The following GSG1L variants were observed in gnomAD, a reference collection of about 807,000 sequenced individuals.
GSG1L encodes the protein germ cell-specific gene 1-like protein.
In GSG1L, 24 loss-of-function variants were observed where a neutral mutation model predicts 42.1. That is an observed-to-expected ratio of 0.57 (90% confidence interval 0.41 to 0.80). GSG1L has a LOEUF of 0.80. Ranked by LOEUF, GSG1L falls within the 30% of genes least tolerant of loss-of-function variation. The probability of loss-of-function intolerance (pLI) is 0.00; values close to 1 mark genes in which losing one functional copy is unlikely to be tolerated. For synonymous variants in GSG1L, 215 were observed against 203.5 expected, an observed-to-expected ratio of 1.06 and a Z score of -0.48; for missense variants, 445 against 472.2, an observed-to-expected ratio of 0.94 and a Z score of 0.53.
chr16:28,041,367 G>T (rs1879608295), intron 1 of GSG1L, among the ~76,000 whole-genome samples: 1 of 152,074 alleles, frequency 6.6e-6, no homozygotes, highest in African/African-American at 2.4e-5. Context: ...AAGGAGGATT[G>T]CTTGAGCCCA....
At chr16:28,002,942 AAAAG>A (rs533758440) in intron 1 of GSG1L, among the ~76,000 whole-genome samples, 1 of 152,078 alleles carries the variant, frequency 6.6e-6, no homozygotes, top group Non-Finnish European at 1.5e-5. Context: ...TCTCAGAAAA[AAAAG>A]AAAGAAAGAA....
At chr16:27,983,539 G>A (rs2085347870) in intron 1 of GSG1L, among the ~76,000 whole-genome samples, 2 of 152,132 alleles carry the variant, frequency 1.3e-5, no homozygotes, top group Admixed American at 1.3e-4. Context: ...AAAGAATTGT[G>A]ATTTTTGTAA....
chr16:27,791,692 C>T (rs2082755440), intron 6 of GSG1L, among the ~76,000 whole-genome samples: 1 of 152,042 alleles, frequency 6.6e-6, no homozygotes, highest in African/African-American at 2.4e-5. Flanking sequence ...CACCTGTGAC[C>T]TAGTCATGTA....
chr16:27,998,949 CCAAA>C (rs1488884990), intron 1 of GSG1L, among the ~76,000 whole-genome samples: 8 of 152,210 alleles, frequency 5.3e-5, no homozygotes, highest in Middle Eastern at 3.4e-3. Flanking sequence ...CTGATTTCCC[CCAAA>C]CAGAGTTAAT....
intron 2 of GSG1L, among the ~76,000 whole-genome samples, chr16:27,936,589 A>T (rs571718513): frequency 3.3e-5 from 5 of 152,318 alleles, no homozygotes; most frequent in Admixed American, 2.6e-4. Context: ...CTGCAGAACC[A>T]TGAGCCAAAT....
rs538529178 is a variant in GSG1L, at chr16:28,024,147, C to T, written c.349+38929G>A. 2.4e-4 allele frequency among the ~76,000 whole-genome samples: 37 copies of T among 152,328 alleles called. No individual in the cohort carries two copies. The South Asian group carries it at 2.9e-3, about 12-fold the overall frequency. Reference sequence around the variant, plus strand: ...ACGAGGTTTTGCTCCTTAACCACCACGTGCTCCTGAGATGGGCCATAAATA... The same window carrying T: ...ACGAGGTTTTGCTCCTTAACCACCATGTGCTCCTGAGATGGGCCATAAATA... On this transcript the variant is annotated intron_variant, in intron 1 of 6. Transcript: ENST00000447459.
At chr16:27,847,690 G>A (rs537526075) in intron 3 of GSG1L, among the ~76,000 whole-genome samples, 1 of 152,212 alleles carries the variant, frequency 6.6e-6, no homozygotes, top group African/African-American at 2.4e-5. Context: ...TGGATCATGG[G>A]GGGAGATTTC....
At chr16:27,827,238 TC>T (rs1210259487) in intron 5 of GSG1L, among the ~76,000 whole-genome samples, 1 of 152,118 alleles carries the variant, frequency 6.6e-6, no homozygotes, top group Admixed American at 6.5e-5. Flanking sequence ...CTGTTCTATA[TC>T]CCCTCTCTCA....
intron 1 of GSG1L, among the ~76,000 whole-genome samples, chr16:28,029,633 A>G (rs899856870): frequency 3.3e-5 from 5 of 152,020 alleles, no homozygotes; most frequent in Admixed American, 1.3e-4. Flanking sequence ...GGGTGGGTGG[A>G]TCATGGGTAG....
chr16:27,845,908 C>CT (rs201845873), intron 3 of GSG1L, among the ~76,000 whole-genome samples: 6,973 of 146,932 alleles, frequency 0.047, 229 homozygotes, highest in East Asian at 0.16. Context: ...AATTAATAAA[C>CT]TTTTTTTTTT....
At chr16:28,053,992 G>A (rs974768039) in intron 1 of GSG1L, among the ~76,000 whole-genome samples, 3 of 152,004 alleles carry the variant, frequency 2.0e-5, no homozygotes, top group Non-Finnish European at 4.4e-5. Flanking sequence ...CACTCCTTCT[G>A]TGGTCCCCTC....
At chr16:27,863,322 T>C (rs948116908) in intron 3 of GSG1L, 12 of 152,190 alleles carry the variant, frequency 7.9e-5, no homozygotes, top group African/African-American at 2.9e-4. Flanking sequence ...CTATGGAAGG[T>C]TGACATGCAA....
intron 2 of GSG1L, among the ~76,000 whole-genome samples, chr16:27,892,416 G>A (rs569208582): frequency 1.6e-3 from 244 of 152,084 alleles, no homozygotes; most frequent in Admixed American, 2.2e-3. Context: ...CGATCCTGTC[G>A]CTGCACTCTA....
intron 4 of GSG1L, among the ~76,000 whole-genome samples, chr16:27,842,772 C>G (rs1156247543): frequency 6.6e-6 from 1 of 152,162 alleles, no homozygotes; most frequent in African/African-American, 2.4e-5. Context: ...GGGGTGCCCA[C>G]TGAACTGGTA....
chr16:28,048,553 C>A (rs1221654193), intron 1 of GSG1L, among the ~76,000 whole-genome samples: 2 of 152,150 alleles, frequency 1.3e-5, no homozygotes, highest in Admixed American at 6.5e-5. Context: ...TAAGCCACTG[C>A]ACCTGGCCTA....
intron 2 of GSG1L, among the ~76,000 whole-genome samples, chr16:27,950,803 C>CT (rs979901256): frequency 6.6e-6 from 1 of 152,170 alleles, no homozygotes; most frequent in Non-Finnish European, 1.5e-5. Context: ...TTTGCACAGG[C>CT]TGTTCATTCT....
At chr16:27,875,431 C>T (rs1282142903) in intron 3 of GSG1L, among the ~76,000 whole-genome samples, 12 of 152,146 alleles carry the variant, frequency 7.9e-5, no homozygotes, top group African/African-American at 2.7e-4. Flanking sequence ...AGATCACCTC[C>T]GAAAGAAACT....
At chr16:28,058,535 G>A (rs1393689369) in intron 1 of GSG1L, among the ~76,000 whole-genome samples, 1 of 151,726 alleles carries the variant, frequency 6.6e-6, no homozygotes, top group Non-Finnish European at 1.5e-5. Flanking sequence ...AGGCTAAGGC[G>A]GGAGGATGCC....
intron 2 of GSG1L, among the ~76,000 whole-genome samples, chr16:27,906,848 C>T (rs6498047): frequency 0.24 from 35,792 of 152,060 alleles, 4,459 homozygotes; most frequent in Non-Finnish European, 0.27. Flanking sequence ...GGCCCATCCC[C>T]TCTGTGACAT....
Sources: gnomAD v4.1 joint callset for allele counts (sites outside exome capture counted in the v4.1 genomes callset) on GRCh38, gnomAD v4.1.1 for gene constraint, MANE v1.5 for transcripts, NCBI Gene and HGNC (gene_info 2026-07-23, HGNC 2026-07-21) for gene names.